Variants in SUB1 observed in about 807,000 individuals in gnomAD.
SUB1 encodes activated RNA polymerase II transcriptional coactivator p15.
SUB1 carries 1 observed loss-of-function variant against 16.9 expected under a neutral mutation model. The ratio of observed to expected loss-of-function variants is 0.06; its 90% CI spans 0.02 to 0.28. The LOEUF is 0.28. SUB1 is among the 10% of genes least tolerant of loss of function. The pLI, the probability that SUB1 is intolerant of heterozygous loss-of-function variation, is 1.00. For missense variants in SUB1, 84 were observed against 145.2 expected, an observed-to-expected ratio of 0.58 and a Z score of 2.16; for synonymous variants, 51 against 46.9, an observed-to-expected ratio of 1.09 and a Z score of -0.36.
chr5:32,600,954 C>A (rs1347256581), intron 4 of SUB1, 51 bp from the exon 5 acceptor site: 1 of 1,529,228 alleles, frequency 6.5e-7, no homozygotes, highest in Non-Finnish European at 9.1e-7. Flanking sequence ...GTATGAAAAT[C>A]CTCAACGCTT....
At chr5:32,591,122 A>G (rs1244434239) in intron 2 of SUB1, 1 of 152,404 alleles carries the variant, frequency 6.6e-6, no homozygotes, top group Non-Finnish European at 1.5e-5. Flanking sequence ...GGACATAAAT[A>G]AACATATCCT....
chr5:32,600,952 A>G (rs1739100486), intron 4 of SUB1, 53 bp from the exon 5 acceptor site: 6 of 1,527,994 alleles, frequency 3.9e-6, no homozygotes, highest in Non-Finnish European at 5.4e-6. Context: ...AAGTATGAAA[A>G]TCCTCAACGC....
chr5:32,597,082 A>G (rs1340318200), intron 3 of SUB1: 2 of 151,924 alleles, frequency 1.3e-5, no homozygotes, highest in African/African-American at 2.4e-5. Flanking sequence ...GCATCTGTGG[A>G]TTCCTCTTGG....
chr5:32,589,173 C>T (rs1025575496), intron 2 of SUB1, among the ~76,000 whole-genome samples: 15 of 152,132 alleles, frequency 9.9e-5, no homozygotes, highest in African/African-American at 3.1e-4. Flanking sequence ...ACTGCAGCCT[C>T]GACCTCCTGG....
chr5:32,588,705 C>A, intron 2 of SUB1, 121 bp downstream of exon 2: 1 of 966,020 alleles, frequency 1.0e-6, no homozygotes, highest in Non-Finnish European at 1.5e-6. Flanking sequence ...GGCGCGGTGG[C>A]TCATGCCTGT....
chr5:32,588,499 A>G lies in SUB1; in HGVS notation c.-1-13A>G, dbSNP rs759159140. The G allele has an allele frequency of 6.8e-6, 11 of 1,609,200 alleles. No individual in the cohort carries two copies. Among genetic ancestry groups the G allele is most frequent in the Middle Eastern group, 2.1e-4 (1 of 4,810 alleles). On this transcript the variant is annotated splice_polypyrimidine_tract_variant and intron_variant, in intron 1 of 4. Transcript: ENST00000265073. ...ACCTTATTAATTATTTTTGTAATGT[A>G]TTTTTCTTTCAGGATGCCTAAATCA...
chr5:32,594,031 T>C (rs976042348), intron 3 of SUB1, among the ~76,000 whole-genome samples: 2 of 152,220 alleles, frequency 1.3e-5, no homozygotes, highest in African/African-American at 4.8e-5. Flanking sequence ...GATCTAGTAG[T>C]GTAGGCATTA....
In SUB1 at chr5:32,601,346, T is replaced by C. The variant is rs890164367; in HGVS notation, c.*262T>C. On this transcript the variant is annotated 3_prime_UTR_variant, in exon 5 of 5. Transcript: ENST00000265073. ...AATACAATCTTAACTGTTGTGGCCT[T>C]TTTTGATCATAAGAGTTGGTACTGT... The C allele has an allele frequency of 1.9e-5, 7 of 362,782 alleles. No homozygotes were observed. The highest frequency in any genetic ancestry group is 1.3e-4 in the African/African-American group (6 of 46,308). 22.5% of individuals were successfully genotyped at this position (362,782 alleles called of 1,614,324 possible).
chr5:32,591,324 C>A (rs908329760), intron 2 of SUB1: 2 of 362,544 alleles, frequency 5.5e-6, no homozygotes, highest in Non-Finnish European at 9.3e-6. Context: ...GTGGTTAATA[C>A]TACTATAATG....
intron 3 of SUB1, chr5:32,598,026 C>T (rs1438571822): frequency 6.6e-6 from 1 of 151,930 alleles, no homozygotes; most frequent in Non-Finnish European, 1.5e-5. Flanking sequence ...CTGCAGATTT[C>T]AGTCCGTGGT....
At chr5:32,592,068 T>C (rs10472812) in intron 3 of SUB1, among the ~76,000 whole-genome samples, 49,636 of 152,128 alleles carry the variant, frequency 0.33, 8,823 homozygotes, top group South Asian at 0.41. Flanking sequence ...AAAAGTACTA[T>C]GATCTGATAA....
At chr5:32,589,573 A>G (rs1738764872) in intron 2 of SUB1, among the ~76,000 whole-genome samples, 2 of 152,234 alleles carry the variant, frequency 1.3e-5, no homozygotes, top group South Asian at 4.1e-4. Context: ...CTTTTTCTGC[A>G]TTAGATGACA....
At position 32,599,614 on chromosome 5, in the gene SUB1, C is replaced by A. The variant is rs150962082; in HGVS notation, c.304+545C>A. 3.6e-3 allele frequency among the ~76,000 whole-genome samples: 545 copies of A among 152,208 alleles called. 5 individuals are homozygous for A. Among genetic ancestry groups the A allele is most frequent in the Non-Finnish European group, 5.6e-3 (379 of 68,016 alleles). On this transcript the variant is annotated intron_variant, in intron 4 of 4. Transcript: ENST00000265073. The stretch of plus-strand genomic sequence containing the variant: ...TATTTGGATTGCTGCTCTAGGTTGA[C>A]CCTCAGCTAAAGAAAAATGCTTCCT...
At chr5:32,589,596 T>C (rs924680754) in intron 2 of SUB1, among the ~76,000 whole-genome samples, 3 of 152,192 alleles carry the variant, frequency 2.0e-5, no homozygotes, top group Non-Finnish European at 2.9e-5. Context: ...TGCACCGTAA[T>C]TGGTGAATTT....
chr5:32,588,092 C>T (rs532441869), intron 1 of SUB1, among the ~76,000 whole-genome samples: 2 of 152,078 alleles, frequency 1.3e-5, no homozygotes, highest in Non-Finnish European at 2.9e-5. Context: ...AATAATTTTA[C>T]GTTAGTTCCA....
intron 1 of SUB1, among the ~76,000 whole-genome samples, chr5:32,586,697 T>A (rs1386627351): frequency 6.6e-6 from 1 of 152,188 alleles, no homozygotes; most frequent in Non-Finnish European, 1.5e-5. Flanking sequence ...ATTACCTTTT[T>A]AAAAAATATC....
intron 1 of SUB1, among the ~76,000 whole-genome samples, chr5:32,587,009 G>A (rs1202226587): frequency 1.3e-5 from 2 of 152,064 alleles, no homozygotes; most frequent in Admixed American, 6.5e-5. Context: ...TTTTAAGGAG[G>A]AATTTTAAGT....
At chr5:32,587,406 A>G (rs953457872) in intron 1 of SUB1, among the ~76,000 whole-genome samples, 2 of 152,120 alleles carry the variant, frequency 1.3e-5, no homozygotes, top group Non-Finnish European at 2.9e-5. Flanking sequence ...GCACTCAGTA[A>G]ACACCCACTT....
At chr5:32,591,116 A>G (rs2111661718) in intron 2 of SUB1, 1 of 152,478 alleles carries the variant, frequency 6.6e-6, no homozygotes, top group East Asian at 1.9e-4. Context: ...TAGGCAGGAC[A>G]TAAATAAACA....
Sources: gnomAD v4.1 joint callset for allele counts (sites outside exome capture counted in the v4.1 genomes callset) on GRCh38, gnomAD v4.1.1 for gene constraint, MANE v1.5 for transcripts, NCBI Gene and HGNC (gene_info 2026-07-23, HGNC 2026-07-21) for gene names.